RNF144B: variants seen among roughly 807,000 people sequenced by gnomAD.
RNF144B encodes ring finger protein 144B.
In RNF144B, 25 loss-of-function variants were observed where a neutral mutation model predicts 40.2. The ratio of observed to expected loss-of-function variants is 0.62; its 90% confidence interval spans 0.45 to 0.87. The LOEUF is 0.87. Ranked by LOEUF, RNF144B falls within the 40% of genes least tolerant of loss-of-function variation. RNF144B has a pLI of 0.00. For missense variants in RNF144B, 365 were observed against 373.7 expected, an observed-to-expected ratio of 0.98 and a Z score of 0.19; for synonymous variants, 145 against 136.3, an observed-to-expected ratio of 1.06 and a Z score of -0.44.
intron 1 of RNF144B, among the ~76,000 whole-genome samples, chr6:18,394,970 A>G (rs1268949892): frequency 6.6e-6 from 1 of 152,140 alleles, no homozygotes; most frequent in Non-Finnish European, 1.5e-5. Context: ...TTAGGTATAT[A>G]TAAGCAAGTG....
Position 18,399,426 on chromosome 6 carries a change from G to A in RNF144B, c.-36-73G>A, listed in dbSNP as rs1307617051. ...CTGAGGGTGAGAATTTGATCAGCTG[G>A]CCTCCAGACGTGTTGGCTAAACAAT... On this transcript the variant is annotated intron_variant, in intron 1 of 7. Coordinates refer to ENST00000259939, the MANE Select transcript of RNF144B (RefSeq NM_182757.4). 4.8e-6 allele frequency: 5 copies of A among 1,035,188 alleles called. No individual in the cohort carries two copies. In the East Asian group the frequency reaches 1.1e-4, roughly 22 times the overall value. 64.1% of individuals were successfully genotyped at this position (1,035,188 alleles called of 1,614,324 possible). A position where few individuals can be genotyped will look rare whatever the true frequency, so the allele number is the denominator to read the frequency against.
intron 2 of RNF144B, among the ~76,000 whole-genome samples, chr6:18,424,768 A>C (rs1218186100): frequency 2.1e-5 from 2 of 94,738 alleles, no homozygotes; most frequent in Non-Finnish European, 5.0e-5. Context: ...CTTATTCTGT[A>C]GACCCAAATA....
intron 4 of RNF144B, among the ~76,000 whole-genome samples, chr6:18,453,384 C>T (rs62399562): frequency 2.0e-5 from 3 of 151,966 alleles, no homozygotes; most frequent in East Asian, 1.9e-4. Flanking sequence ...GTGATCCACC[C>T]GCCTCAGCCT....
rs1759525923 is a variant in RNF144B, at chr6:18,464,141, G to T, written c.771+761G>T. Among the ~76,000 whole-genome samples, 1 of 152,124 alleles carries T rather than the reference G, an allele frequency of 6.6e-6. No individual in the cohort carries two copies. Among genetic ancestry groups the T allele is most frequent in the African/African-American group, 2.4e-5 (1 of 41,426 alleles). On this transcript the variant is annotated intron_variant, in intron 7 of 7. Coordinates refer to ENST00000259939, the MANE Select transcript of RNF144B (RefSeq NM_182757.4). The surrounding 1 kb of genome is among the most constrained non-coding windows in gnomAD (Gnocchi z 6.1). ...GATCCCTGTGTACATGCCATTGTGT[G>T]TTTATGTGGCAGGTTCAAAAGGAGT...
At chr6:18,437,639 A>G (rs972308579) in intron 3 of RNF144B, among the ~76,000 whole-genome samples, 9 of 152,232 alleles carry the variant, frequency 5.9e-5, no homozygotes, top group Non-Finnish European at 7.3e-5. Context: ...TTTGACTTAA[A>G]TGAGAAATCC....
At position 18,450,244 on chromosome 6, in the gene RNF144B, G is replaced by A. The variant is rs1450555780; in HGVS notation, c.332-6911G>A. Among the ~76,000 whole-genome samples, 1 of 151,272 alleles carries A rather than the reference G, an allele frequency of 6.6e-6. No homozygotes were observed. The highest frequency in any genetic ancestry group is 1.5e-5 in the Non-Finnish European group (1 of 67,922). On this transcript the variant is annotated intron_variant, in intron 4 of 7. Transcript: ENST00000259939. The surrounding 1 kb of genome is among the most constrained non-coding windows in gnomAD (Gnocchi z 4.7). ...ACTTTCATGGCCTGTGTTTAATGAG[G>A]TGTTGGTAAACAGTCTTTGGCGGGA...
rs1431488320 is a variant in RNF144B, at chr6:18,419,130, A to G, written c.166-8451A>G. Among the ~76,000 whole-genome samples, 6 of 152,146 alleles carry G rather than the reference A, an allele frequency of 3.9e-5. No individual in the cohort carries two copies. The highest frequency in any genetic ancestry group is 7.4e-5 in the Non-Finnish European group (5 of 68,024). ...TTGGATGGACATTCAAGTTTGAGAAACATTGTCAGTAAGGTAGTTGAATAG... is the reference window on the plus strand; with the variant it reads ...TTGGATGGACATTCAAGTTTGAGAAGCATTGTCAGTAAGGTAGTTGAATAG... On this transcript the variant is annotated intron_variant, in intron 2 of 7. Transcript: ENST00000259939. This position sits in a 1 kb window ranked among gnomAD's most constrained non-coding sequence, Gnocchi z 4.6.
At chr6:18,440,442 G>A (rs191882485) in intron 4 of RNF144B, among the ~76,000 whole-genome samples, 2 of 152,102 alleles carry the variant, frequency 1.3e-5, no homozygotes, top group African/African-American at 2.4e-5. Flanking sequence ...AGAAGTTATT[G>A]GACTGGTCTA....
At chr6:18,445,734 A>T (rs1411491919) in intron 4 of RNF144B, among the ~76,000 whole-genome samples, 1 of 152,140 alleles carries the variant, frequency 6.6e-6, no homozygotes, top group Non-Finnish European at 1.5e-5. Flanking sequence ...TCCCATCTCA[A>T]AGCTACATAA....
rs568912975 is a variant in RNF144B, at chr6:18,462,025, T to C, written c.682-1266T>C. On this transcript the variant is annotated intron_variant, in intron 6 of 7. Coordinates refer to ENST00000259939, the MANE Select transcript of RNF144B (RefSeq NM_182757.4). ...TTGAGCTGTTCAGTTATCTCTTTCC[T>C]CTCCTGTGGTTTCAATTTCCACTCT... is the stretch of plus-strand genomic sequence containing the variant. 1.1e-4 allele frequency among the ~76,000 whole-genome samples: 16 copies of C among 152,332 alleles called. No homozygotes were observed. The South Asian group carries it at 3.1e-3, about 30-fold the overall frequency.
rs1759414568 is a variant in RNF144B, at chr6:18,459,889, A to G, written c.681+138A>G. ...GAATTTATTTTTCTTAATGAGACTT[A>G]CTAAGCCTGATACTTTAGATATCTA... On this transcript the variant is annotated intron_variant, in intron 6 of 7. Coordinates refer to ENST00000259939, the MANE Select transcript of RNF144B (RefSeq NM_182757.4). This position sits in a 1 kb window ranked among gnomAD's most constrained non-coding sequence, Gnocchi z 4.2. The G allele has an allele frequency of 3.9e-6, 3 of 777,392 alleles. No homozygotes were observed. The highest frequency in any genetic ancestry group is 6.2e-6 in the Non-Finnish European group (3 of 480,418). 48.2% of individuals were successfully genotyped at this position (777,392 alleles called of 1,614,324 possible).
chr6:18,399,284 A>G (rs1794750375), intron 1 of RNF144B, among the ~76,000 whole-genome samples: 2 of 152,132 alleles, frequency 1.3e-5, no homozygotes, highest in South Asian at 2.1e-4. Context: ...TATGATGTGA[A>G]TCAGGACAGT....
chr6:18,457,287 G>A lies in RNF144B; in HGVS notation c.464G>A (p.Cys155Tyr). The A allele has an allele frequency of 1.2e-6, 2 of 1,614,228 alleles. No individual in the cohort carries two copies. Among genetic ancestry groups the A allele is most frequent in the South Asian group, 1.1e-5 (1 of 91,088 alleles). ...TCTTGCCACCTGAAATTCTGCTCGT[G>A]TTGCAAGGATGCTTGGCATGCAGAG... ...CPSCHLKFCS[C>Y]CKDAWHAEVS... The change falls in exon 5 of 8, where the codon TGT becomes TAT. Residue 155 changes from cysteine to tyrosine, a missense_variant. Cys to Tyr is a radical substitution (Grantham distance 194). Coordinates refer to ENST00000259939, the MANE Select transcript of RNF144B (RefSeq NM_182757.4). The surrounding 1 kb of genome is among the most constrained non-coding windows in gnomAD (Gnocchi z 5.1).
At chr6:18,409,402 A>AAAG (rs1562043477) in intron 2 of RNF144B, among the ~76,000 whole-genome samples, 7 of 118,370 alleles carry the variant, frequency 5.9e-5, no homozygotes, top group African/African-American at 2.2e-4. Flanking sequence ...AAAAAAAAAA[A>AAAG]ACCCTGGAAA....
Position 18,447,751 on chromosome 6 carries a change from G to A in RNF144B, c.331+8007G>A, listed in dbSNP as rs1582439486. On this transcript the variant is annotated intron_variant, in intron 4 of 7. Transcript: ENST00000259939. The surrounding 1 kb of genome is among the most constrained non-coding windows in gnomAD (Gnocchi z 5.6). ...GATCAGTAGTATAAACTTTGGAATC[G>A]TCAGCATAGAGGTCAGGTTTAAAGC... Among the ~76,000 whole-genome samples, 3 of 152,168 alleles carry A rather than the reference G, an allele frequency of 2.0e-5. No homozygotes were observed. The highest frequency in any genetic ancestry group is 6.5e-5 in the Admixed American group (1 of 15,274).
rs938491536 is a variant in RNF144B at position 18,410,490 on chromosome 6, T to C, written c.165+10791T>C. 6.6e-6 allele frequency among the ~76,000 whole-genome samples: 1 copy of C among 152,086 alleles called. No homozygotes were observed. The highest frequency in any genetic ancestry group is 2.4e-5 in the African/African-American group (1 of 41,414). On this transcript the variant is annotated intron_variant, in intron 2 of 7. Transcript: ENST00000259939. This position sits in a 1 kb window ranked among gnomAD's most constrained non-coding sequence, Gnocchi z 4.6. ...AGATAATAGGGATTGCTTGATGGCA[T>C]TGTTGATGGGGCTGTGGGTGAGAAC...
chr6:18,425,149 A>G lies in RNF144B; in HGVS notation c.166-2432A>G, dbSNP rs1758520711. 1.3e-5 allele frequency among the ~76,000 whole-genome samples: 2 copies of G among 152,170 alleles called. No homozygotes were observed. Among genetic ancestry groups the G allele is most frequent in the African/African-American group, 4.8e-5 (2 of 41,438 alleles). On this transcript the variant is annotated intron_variant, in intron 2 of 7. Transcript: ENST00000259939. This position sits in a 1 kb window ranked among gnomAD's most constrained non-coding sequence, Gnocchi z 4.2. Reference sequence around the variant, plus strand: ...ATTAAGGAAAGCAAGTCTAGGTCATAGGCTAAGTCATTTTCCCATTGTCAC... The same window carrying G: ...ATTAAGGAAAGCAAGTCTAGGTCATGGGCTAAGTCATTTTCCCATTGTCAC...
chr6:18,400,499 G>A lies in RNF144B; in HGVS notation c.165+800G>A, dbSNP rs1794784162. On this transcript the variant is annotated intron_variant, in intron 2 of 7. Coordinates refer to ENST00000259939, the MANE Select transcript of RNF144B (RefSeq NM_182757.4). The surrounding 1 kb of genome is among the most constrained non-coding windows in gnomAD (Gnocchi z 5.6). ...CTGAATCCTTCTTATTCCACTTAATGAGAGCCCTATAGACCTGCAGAAGTG... is the reference window on the plus strand; with the variant it reads ...CTGAATCCTTCTTATTCCACTTAATAAGAGCCCTATAGACCTGCAGAAGTG... 6.6e-6 allele frequency among the ~76,000 whole-genome samples: 1 copy of A among 152,080 alleles called. No homozygotes were observed. The highest frequency in any genetic ancestry group is 1.5e-5 in the Non-Finnish European group (1 of 68,018).
In RNF144B at chr6:18,412,146, A is replaced by G. The variant is rs1795060831; in HGVS notation, c.165+12447A>G. 6.6e-6 allele frequency among the ~76,000 whole-genome samples: 1 copy of G among 152,222 alleles called. No homozygotes were observed. Among genetic ancestry groups the G allele is most frequent in the Admixed American group, 6.5e-5 (1 of 15,288 alleles). ...AGAATTGCCTAACCAAAATAGATGT[A>G]CATTTTAAATCAGTATGTGTTACCA... is the stretch of plus-strand genomic sequence containing the variant. On this transcript the variant is annotated intron_variant, in intron 2 of 7. Transcript: ENST00000259939. The surrounding 1 kb of genome is among the most constrained non-coding windows in gnomAD (Gnocchi z 4.2).
Sources: allele counts gnomAD v4.1 joint callset (sites outside exome capture counted in the v4.1 genomes callset), GRCh38; gene constraint gnomAD v4.1.1; non-coding constraint Gnocchi (gnomAD v3.1); transcripts MANE v1.5; gene names NCBI Gene and HGNC (gene_info 2026-07-23, HGNC 2026-07-21).